Variants in ARMH4 observed in about 807,000 individuals in gnomAD.
ARMH4 encodes the protein armadillo-like helical domain-containing protein 4.
In ARMH4, 49 loss-of-function variants were observed where a neutral mutation model predicts 61.9. The ratio of observed to expected loss-of-function variants is 0.79; its 90% CI spans 0.63 to 1.00. ARMH4 has a LOEUF of 1.00. Among genes scored for constraint, ARMH4 ranks in the 50% least tolerant of loss-of-function variants. The pLI is 0.00. For synonymous variants in ARMH4, 368 were observed against 341.5 expected (o/e 1.08, Z -0.85); for missense variants, 934 against 930.0 (o/e 1.00, Z -0.06).
chr14:58,017,188 C>A (rs75794801), intron 5 of ARMH4, among the ~76,000 whole-genome samples: 56 of 152,196 alleles, frequency 3.7e-4, no homozygotes, highest in African/African-American at 1.3e-3. Context: ...TAGTGGCACA[C>A]CTGTAGTCTC....
At chr14:58,047,812 A>C (rs1883992461) in intron 5 of ARMH4, among the ~76,000 whole-genome samples, 1 of 152,192 alleles carries the variant, frequency 6.6e-6, no homozygotes, top group South Asian at 2.1e-4. Context: ...GCATAGGAAT[A>C]GGAAAAAAAG....
At chr14:58,132,978 C>A in intron 3 of ARMH4, 112 bp downstream of exon 3, 3 of 1,116,142 alleles carry the variant, frequency 2.7e-6, no homozygotes, top group Non-Finnish European at 4.0e-6. Flanking sequence ...TGTGTACGTG[C>A]ACGCACGCGC....
intron 5 of ARMH4, among the ~76,000 whole-genome samples, chr14:58,068,014 T>C (rs910021397): frequency 6.6e-6 from 1 of 152,330 alleles, no homozygotes; most frequent in Admixed American, 6.5e-5. Flanking sequence ...TTAAGTGACC[T>C]GAATGATTCT....
intron 1 of ARMH4, among the ~76,000 whole-genome samples, chr14:58,139,894 G>A (rs764580678): frequency 1.1e-4 from 17 of 152,194 alleles, no homozygotes; most frequent in Non-Finnish European, 1.0e-4. Context: ...CAGCAACATG[G>A]TAGTATTAGG....
chr14:58,060,245 T>G (rs1042009752), intron 5 of ARMH4, among the ~76,000 whole-genome samples: 1 of 152,170 alleles, frequency 6.6e-6, no homozygotes, highest in African/African-American at 2.4e-5. Flanking sequence ...ATCTCTAGAC[T>G]CTCCTAAACA....
Position 58,138,744 on chromosome 14 carries a change from T to C in ARMH4, c.615A>G (p.Ser205=). 1 of 1,614,172 alleles carries C rather than the reference T, an allele frequency of 6.2e-7. No homozygotes were observed. The highest frequency in any genetic ancestry group is 8.5e-7 in the Non-Finnish European group (1 of 1,180,036). ...ESQEGVGLGH[S]PSSYVNTKEM... is the part of the protein sequence containing the mutation. ...CCTTAGTATTCACATAGGATGAAGGTGAATGTCCCAAACCAACTCCTTCCT... is the reference window on the plus strand; with the variant it reads ...CCTTAGTATTCACATAGGATGAAGGCGAATGTCCCAAACCAACTCCTTCCT... Residue 205 remains serine (S), a synonymous_variant, in exon 2 of 8, where the codon TCA becomes TCG. Coordinates refer to ENST00000267485, the MANE Select transcript of ARMH4 (RefSeq NM_001001872.4).
intron 5 of ARMH4, among the ~76,000 whole-genome samples, chr14:58,034,516 T>C (rs1481380508): frequency 8.3e-6 from 1 of 120,182 alleles, no homozygotes; most frequent in Non-Finnish European, 1.8e-5. Flanking sequence ...AATCACCACC[T>C]AACATCATAA....
chr14:58,108,557 T>A (rs1886243781), intron 4 of ARMH4, among the ~76,000 whole-genome samples: 2 of 152,242 alleles, frequency 1.3e-5, no homozygotes, highest in Non-Finnish European at 2.9e-5. Flanking sequence ...CATCTTGTTG[T>A]ACAAAACACT....
At chr14:58,010,478 C>A (rs1290770512) in intron 6 of ARMH4, among the ~76,000 whole-genome samples, 1 of 151,900 alleles carries the variant, frequency 6.6e-6, no homozygotes, top group African/African-American at 2.4e-5. Context: ...GATATAGGCA[C>A]ATATGACAGT....
At chr14:58,051,703 T>G (rs774414277) in intron 5 of ARMH4, among the ~76,000 whole-genome samples, 68 of 152,178 alleles carry the variant, frequency 4.5e-4, no homozygotes, top group Non-Finnish European at 8.2e-4. Context: ...GAAGTCATTT[T>G]TTATTTAATT....
At chr14:58,125,330 C>A (rs1886864272) in intron 4 of ARMH4, among the ~76,000 whole-genome samples, 1 of 152,128 alleles carries the variant, frequency 6.6e-6, no homozygotes, top group Non-Finnish European at 1.5e-5. Context: ...AGGAAAAATA[C>A]TTTTGCCTGC....
intron 5 of ARMH4, among the ~76,000 whole-genome samples, chr14:58,025,755 C>T (rs1243181450): frequency 1.3e-5 from 2 of 152,190 alleles, no homozygotes; most frequent in African/African-American, 4.8e-5. Context: ...TCTAATGATG[C>T]TAAATTTACC....
Position 58,138,857 on chromosome 14 carries a change from T to C in ARMH4, c.502A>G (p.Asn168Asp), listed in dbSNP as rs781171117. 104 of 1,614,120 alleles carry C rather than the reference T, an allele frequency of 6.4e-5. No individual in the cohort carries two copies. Among genetic ancestry groups the C allele is most frequent in the Admixed American group, 2.5e-4 (15 of 60,008 alleles). The change falls in exon 2 of 8, where the codon AAC becomes GAC. Residue 168 changes from asparagine to aspartate, a missense_variant. Transcript: ENST00000267485. ...DEKEELLTST[N>D]FQPIVEEITE... ...ATCTCTTCTACAATGGGCTGAAAGT[T>C]AGTGCTTGTAAGGAGTTCCTCCTTT...
At chr14:58,098,680 G>A (rs970516256) in intron 4 of ARMH4, among the ~76,000 whole-genome samples, 8 of 152,158 alleles carry the variant, frequency 5.3e-5, no homozygotes, top group East Asian at 1.9e-4. Flanking sequence ...GTGTGGCCTC[G>A]CTGTGTTCAA....
Position 58,131,741 on chromosome 14 carries a change from G to T in ARMH4, c.1622-20C>A, listed in dbSNP as rs762742883. 1.9e-6 allele frequency: 3 copies of T among 1,603,602 alleles called. No homozygotes were observed. Among genetic ancestry groups the T allele is most frequent in the Non-Finnish European group, 2.6e-6 (3 of 1,172,678 alleles). On this transcript the variant is annotated intron_variant, in intron 3 of 7. Transcript: ENST00000267485. ...TTTGTTCTGCCAAACACAACAGACA[G>T]GACTTGACCCACAAGATAATCATTA...
intron 7 of ARMH4, 117 bp downstream of exon 7, chr14:58,004,931 C>T: frequency 6.5e-7 from 1 of 1,537,836 alleles, no homozygotes; most frequent in Non-Finnish European, 8.9e-7. Context: ...TAATCCAGAC[C>T]ACTGGGCACG....
chr14:58,056,464 G>A (rs577790754), intron 5 of ARMH4, among the ~76,000 whole-genome samples: 1 of 152,174 alleles, frequency 6.6e-6, no homozygotes, highest in Non-Finnish European at 1.5e-5. Context: ...AAATAAAGTT[G>A]TATTAGTTAT....
chr14:58,042,013 C>T (rs62003311), intron 5 of ARMH4, among the ~76,000 whole-genome samples: 21,453 of 151,848 alleles, frequency 0.14, 2,049 homozygotes, highest in East Asian at 0.49. Flanking sequence ...TTTAACACCC[C>T]ACTGTCAACA....
intron 4 of ARMH4, among the ~76,000 whole-genome samples, chr14:58,100,734 C>A (rs536498931): frequency 6.6e-6 from 1 of 152,216 alleles, no homozygotes; most frequent in Admixed American, 6.5e-5. Context: ...GAGTGGCACC[C>A]CTTCCTTCTC....
Sources: allele counts gnomAD v4.1 joint callset (sites outside exome capture counted in the v4.1 genomes callset), GRCh38; gene constraint gnomAD v4.1.1; transcripts MANE v1.5; gene names NCBI Gene and HGNC (gene_info 2026-07-23, HGNC 2026-07-21).